RAI14: variants seen among roughly 807,000 people sequenced by gnomAD.
RAI14 encodes the protein ankycorbin.
RAI14 carries 45 observed loss-of-function variants against 115.4 expected under a neutral mutation model. That is an observed-to-expected ratio of 0.39 (90% CI 0.31 to 0.50). The LOEUF (loss-of-function observed/expected upper bound fraction) is 0.50, where lower values mean the gene tolerates loss of function less well. RAI14 is among the 20% of genes least tolerant of loss of function. The probability of loss-of-function intolerance (pLI) is 0.85; values close to 1 mark genes in which losing one functional copy is unlikely to be tolerated. For missense variants in RAI14, 939 were observed against 1,131.2 expected, an observed-to-expected ratio of 0.83 and a Z score of 2.44; for synonymous variants, 371 against 415.4, an observed-to-expected ratio of 0.89 and a Z score of 1.30.
At position 34,796,047 on chromosome 5, in the gene RAI14, T is replaced by C; in HGVS notation, c.256+20T>C. 1 of 1,574,996 alleles carries C rather than the reference T, an allele frequency of 6.3e-7. No homozygotes were observed. Among genetic ancestry groups the C allele is most frequent in the Non-Finnish European group, 8.7e-7 (1 of 1,145,718 alleles). On this transcript the variant is annotated intron_variant, in intron 4 of 17. Transcript: ENST00000265109. ...CTACCGGTATGTGGTTTTTAGTCTC[T>C]TAAGTCAGCAGGCCAGCACCAGATT...
intron 3 of RAI14, among the ~76,000 whole-genome samples, chr5:34,774,326 G>A (rs13189216): frequency 0.22 from 33,484 of 152,044 alleles, 5,023 homozygotes; most frequent in Non-Finnish European, 0.31. Context: ...AGCCGAGATT[G>A]CACCATTGCC....
intron 1 of RAI14, among the ~76,000 whole-genome samples, chr5:34,686,616 A>T (rs1267720919): frequency 6.6e-6 from 1 of 152,204 alleles, no homozygotes; most frequent in Non-Finnish European, 1.5e-5. Flanking sequence ...AAAAGTATAT[A>T]CAATTTTTAT....
At chr5:34,687,456 GACTCGT>G in intron 2 of RAI14, 1 of 892,480 alleles carries the variant, frequency 1.1e-6, no homozygotes, top group South Asian at 3.2e-5. Context: ...GAATTCCAGG[GACTCGT>G]ACTCATTTGT....
intron 3 of RAI14, among the ~76,000 whole-genome samples, chr5:34,792,906 C>T (rs1266845941): frequency 1.3e-5 from 2 of 152,084 alleles, no homozygotes; most frequent in African/African-American, 4.8e-5. Flanking sequence ...GTTTTCTCAG[C>T]AGGACACAAG....
At chr5:34,742,713 G>C (rs1745674163) in intron 2 of RAI14, among the ~76,000 whole-genome samples, 1 of 152,052 alleles carries the variant, frequency 6.6e-6, no homozygotes. Flanking sequence ...GCCCAGGTTG[G>C]AGTGCAGTGG....
Position 34,699,870 on chromosome 5 carries a change from C to T in RAI14, c.36+12915C>T, listed in dbSNP as rs530435697. On this transcript the variant is annotated intron_variant, in intron 2 of 17. Coordinates refer to ENST00000265109, the MANE Select transcript of RAI14 (RefSeq NM_015577.3). Reference sequence around the variant, plus strand: ...ATTTCAAATTCCTCATTCCAATTTCCAGTGGAAACTGACAGATAGTAATCA... The same window carrying T: ...ATTTCAAATTCCTCATTCCAATTTCTAGTGGAAACTGACAGATAGTAATCA... 7.9e-5 allele frequency among the ~76,000 whole-genome samples: 12 copies of T among 152,258 alleles called. No individual in the cohort carries two copies. In the South Asian group the frequency reaches 2.5e-3, roughly 32 times the overall value.
rs336473 is a variant in RAI14 at position 34,779,009 on chromosome 5, A to T, written c.168-16930A>T. Reference sequence around the variant, plus strand: ...GGCAAACCGAATACAGCAACACATCAAAAAGCTTATCCACCAAGATCAAGT... The same window carrying T: ...GGCAAACCGAATACAGCAACACATCTAAAAGCTTATCCACCAAGATCAAGT... On this transcript the variant is annotated intron_variant, in intron 3 of 17. Coordinates refer to ENST00000265109, the MANE Select transcript of RAI14 (RefSeq NM_015577.3). Among the ~76,000 whole-genome samples, 958 of 152,270 alleles carry T rather than the reference A, an allele frequency of 6.3e-3. 6 individuals carry two copies. The highest frequency in any genetic ancestry group is 0.022 in the African/African-American group (924 of 41,542).
chr5:34,724,012 C>T (rs1373800010), intron 2 of RAI14, among the ~76,000 whole-genome samples: 3 of 151,950 alleles, frequency 2.0e-5, no homozygotes, highest in Admixed American at 1.3e-4. Flanking sequence ...TATACACTAA[C>T]TCCTTTTATT....
chr5:34,798,834 T>C (rs985091155), intron 4 of RAI14, among the ~76,000 whole-genome samples: 2 of 152,196 alleles, frequency 1.3e-5, no homozygotes, highest in Non-Finnish European at 2.9e-5. Context: ...TGGGAACCAA[T>C]TGAAATTGGT....
intron 2 of RAI14, among the ~76,000 whole-genome samples, chr5:34,717,499 G>T (rs780723553): frequency 1.3e-5 from 2 of 152,090 alleles, no homozygotes; most frequent in East Asian, 1.9e-4. Context: ...CATTTTGGGC[G>T]GGGGGGAATC....
chr5:34,693,442 G>T (rs1469572685), intron 2 of RAI14, among the ~76,000 whole-genome samples: 1 of 152,202 alleles, frequency 6.6e-6, no homozygotes, highest in Non-Finnish European at 1.5e-5. Flanking sequence ...GAGTGAACAC[G>T]TATGGATGGC....
At chr5:34,744,023 C>A (rs1745861278) in intron 2 of RAI14, among the ~76,000 whole-genome samples, 1 of 152,202 alleles carries the variant, frequency 6.6e-6, no homozygotes, top group African/African-American at 2.4e-5. Flanking sequence ...TGGATGAAAT[C>A]ATTTTGTCTG....
chr5:34,747,661 ATGAGAC>A (rs1255482938), intron 2 of RAI14, among the ~76,000 whole-genome samples: 1 of 152,228 alleles, frequency 6.6e-6, no homozygotes, highest in Non-Finnish European at 1.5e-5. Flanking sequence ...CTCTGCCCCC[ATGAGAC>A]TGTGCTTTGA....
chr5:34,731,806 G>A (rs1744220337), intron 2 of RAI14, among the ~76,000 whole-genome samples: 1 of 152,256 alleles, frequency 6.6e-6, no homozygotes, highest in Non-Finnish European at 1.5e-5. Flanking sequence ...CACTGTGCTT[G>A]CACTGGCTGG....
intron 2 of RAI14, among the ~76,000 whole-genome samples, chr5:34,707,067 T>C (rs1413581791): frequency 6.6e-6 from 1 of 152,230 alleles, no homozygotes; most frequent in African/African-American, 2.4e-5. Context: ...GCACATGATG[T>C]TGTGGACAGA....
intron 2 of RAI14, among the ~76,000 whole-genome samples, chr5:34,724,165 C>T (rs1388776986): frequency 6.6e-6 from 1 of 152,008 alleles, no homozygotes; most frequent in Non-Finnish European, 1.5e-5. Flanking sequence ...TACAGGCATG[C>T]ACTACCACAT....
intron 3 of RAI14, among the ~76,000 whole-genome samples, chr5:34,779,169 A>ACAG (rs756242441): frequency 1.8e-4 from 28 of 152,368 alleles, no homozygotes; most frequent in South Asian, 1.0e-3. Context: ...GAAAAAATCA[A>ACAG]CAGCCCTTCA....
chr5:34,731,723 G>T lies in RAI14; in HGVS notation c.37-25745G>T, dbSNP rs60730191. On this transcript the variant is annotated intron_variant, in intron 2 of 17. Coordinates refer to ENST00000265109, the MANE Select transcript of RAI14 (RefSeq NM_015577.3). ...AAATAAAGAAATGAATAGTTAATTT[G>T]CTGCTACTGTGATAAACTTTCTTTG... 4.5e-3 allele frequency among the ~76,000 whole-genome samples: 686 copies of T among 152,342 alleles called. 4 individuals carry two copies. Among genetic ancestry groups the T allele is most frequent in the African/African-American group, 0.016 (651 of 41,576 alleles).
chr5:34,746,008 C>T (rs1372830753), intron 2 of RAI14, among the ~76,000 whole-genome samples: 1 of 151,914 alleles, frequency 6.6e-6, no homozygotes, highest in Non-Finnish European at 1.5e-5. Context: ...TCACAAAGAT[C>T]AGCCTTCTGC....
Sources: gnomAD v4.1 joint callset for allele counts (sites outside exome capture counted in the v4.1 genomes callset) on GRCh38, gnomAD v4.1.1 for gene constraint, MANE v1.5 for transcripts, NCBI Gene and HGNC (gene_info 2026-07-23, HGNC 2026-07-21) for gene names.